Variants in EFCAB12 observed in about 807,000 individuals in gnomAD.
EFCAB12 encodes the protein EF-hand calcium-binding domain-containing protein 12.
Under a neutral mutation model 53.6 loss-of-function variants are expected in EFCAB12, and 43 were observed. The observed-to-expected ratio is 0.80, with a 90% CI of 0.63 to 1.03. The LOEUF (loss-of-function observed/expected upper bound fraction) is 1.03, where lower values mean the gene tolerates loss of function less well. Among genes scored for constraint, EFCAB12 ranks in the 50% least tolerant of loss-of-function variants. The probability of loss-of-function intolerance (pLI) is 0.00; values close to 1 mark genes in which losing one functional copy is unlikely to be tolerated. For synonymous variants in EFCAB12, 269 were observed against 289.2 expected (o/e 0.93, Z 0.71); for missense variants, 646 against 730.6 (o/e 0.88, Z 1.34).
intron 6 of EFCAB12, among the ~76,000 whole-genome samples, chr3:129,407,230 C>T (rs1315664479): frequency 1.3e-5 from 2 of 152,188 alleles, no homozygotes; most frequent in Non-Finnish European, 2.9e-5. Context: ...TGGAAACCAG[C>T]CCTGCTGGCA....
intron 6 of EFCAB12, among the ~76,000 whole-genome samples, chr3:129,408,012 A>G: frequency 6.6e-6 from 1 of 152,208 alleles, no homozygotes. Context: ...GCTCCCACAT[A>G]TTAGAAGTGC....
chr3:129,423,154 CT>C (rs1424871444), intron 1 of EFCAB12, among the ~76,000 whole-genome samples: 3 of 152,212 alleles, frequency 2.0e-5, no homozygotes, highest in Non-Finnish European at 4.4e-5. Flanking sequence ...GAGACATGAA[CT>C]TCAGTTTGTC....
rs898629397 is a variant in EFCAB12 at position 129,411,078 on chromosome 3, C to A, written c.1035+80G>T. On this transcript the variant is annotated intron_variant, in intron 5 of 8. Transcript: ENST00000505956. ...CCCCTCCCCAGGGTTCTGCAGCCAG[C>A]GGGTGGTGCTGCTGCGGTGATCTGA... 3.4e-6 allele frequency: 5 copies of A among 1,455,430 alleles called. No individual in the cohort carries two copies. In the South Asian group the frequency reaches 3.9e-5, roughly 11 times the overall value. The allele number at this position is 1,455,430 out of a possible 1,614,324, so 90.2% of individuals were successfully genotyped here. A position where few individuals can be genotyped will look rare whatever the true frequency, so the allele number is the denominator to read the frequency against.
At position 129,408,854 on chromosome 3, in the gene EFCAB12, G is replaced by A. The variant is rs367767696; in HGVS notation, c.1040C>T (p.Thr347Met). ...CTCCGTGTACTGGATGGAGGGGATC[G>A]TGAGCTGCGAAGGAAGCAGAAAGGG... Reference protein sequence around the residue: ...YRERQRQHKLTIPSIQYTEQC... With the variant: ...YRERQRQHKLMIPSIQYTEQC... Residue 347 changes from threonine (T) to methionine (M), a missense_variant, in exon 6 of 9, where the codon ACG (threonine) becomes ATG (methionine). By Grantham distance (81) the Thr-to-Met change is moderately conservative. Transcript: ENST00000505956. 1.1e-5 allele frequency: 17 copies of A among 1,566,470 alleles called. No homozygotes were observed. The highest frequency in any genetic ancestry group is 6.8e-5 in the African/African-American group (5 of 73,628).
chr3:129,420,227 T>C (rs553652960), intron 2 of EFCAB12, among the ~76,000 whole-genome samples: 1 of 152,200 alleles, frequency 6.6e-6, no homozygotes, highest in Non-Finnish European at 1.5e-5. Context: ...ATGGAAATCA[T>C]GTTTGAGTGC....
intron 3 of EFCAB12, among the ~76,000 whole-genome samples, chr3:129,416,479 T>TA (rs1172801689): frequency 6.6e-6 from 1 of 152,208 alleles, no homozygotes; most frequent in Non-Finnish European, 1.5e-5. Context: ...CTAAAGAATG[T>TA]AATATTTAAA....
chr3:129,419,932 A>G (rs1037099846), intron 2 of EFCAB12, among the ~76,000 whole-genome samples: 4 of 152,194 alleles, frequency 2.6e-5, no homozygotes, highest in Non-Finnish European at 5.9e-5. Flanking sequence ...TTGCTGAAGG[A>G]ATAAATGATC....
intron 6 of EFCAB12, among the ~76,000 whole-genome samples, chr3:129,406,309 C>G (rs967306429): frequency 1.3e-5 from 2 of 152,174 alleles, no homozygotes; most frequent in Non-Finnish European, 2.9e-5. Context: ...TCTCTGCCCT[C>G]CCAACCCAGG....
At position 129,421,391 on chromosome 3, in the gene EFCAB12, G is replaced by T. The variant is rs1319181593; in HGVS notation, c.462C>A (p.Ser154=). The T allele has an allele frequency of 6.2e-7, 1 of 1,608,386 alleles. No individual in the cohort carries two copies. The highest frequency in any genetic ancestry group is 1.1e-5 in the South Asian group (1 of 90,882). ...CCCTGGTGGTCCTGGTAGTTGCCTG[G>T]GAGGCATTTGGCTGGGCACTCTGCT... ...HEEQSAQPNA[S]QATTRTTRKK... is the part of the protein sequence containing the mutation. Residue 154 remains serine, a synonymous_variant, in exon 2 of 9, where the codon TCC becomes TCA. Transcript: ENST00000505956.
chr3:129,418,543 A>G, intron 2 of EFCAB12, 95 bp from the exon 3 acceptor site: 1 of 1,183,872 alleles, frequency 8.4e-7, no homozygotes, highest in Non-Finnish European at 1.1e-6. Flanking sequence ...GGAGAGGACG[A>G]GCAGCTCTAA....
chr3:129,408,551 G>C, intron 6 of EFCAB12, 94 bp downstream of exon 6: 1 of 1,326,874 alleles, frequency 7.5e-7, no homozygotes, highest in South Asian at 1.4e-5. Context: ...ACAGTGGCTT[G>C]AATGGCTGCA....
intron 7 of EFCAB12, 86 bp downstream of exon 7, chr3:129,404,164 G>C: frequency 1.3e-6 from 2 of 1,519,320 alleles, no homozygotes; most frequent in Middle Eastern, 1.8e-4. Context: ...TGGCGCCCCA[G>C]GTACTCCAGC....
At chr3:129,415,182 G>A (rs1444112018) in intron 4 of EFCAB12, 63 bp downstream of exon 4, 3 of 1,512,194 alleles carry the variant, frequency 2.0e-6, no homozygotes, top group Non-Finnish European at 2.6e-6. Flanking sequence ...GGCCAAGGCT[G>A]CCTGCACCAT....
At chr3:129,419,355 T>A (rs1476006948) in intron 2 of EFCAB12, among the ~76,000 whole-genome samples, 3 of 152,192 alleles carry the variant, frequency 2.0e-5, no homozygotes, top group Non-Finnish European at 4.4e-5. Context: ...AAATGCAGCA[T>A]CTTTTGATGA....
intron 1 of EFCAB12, among the ~76,000 whole-genome samples, chr3:129,426,206 T>G (rs915403268): frequency 6.6e-6 from 1 of 152,116 alleles, no homozygotes; most frequent in Non-Finnish European, 1.5e-5. Flanking sequence ...TCTCTTCTCT[T>G]TTTAAATAAT....
chr3:129,425,240 C>T lies in EFCAB12; in HGVS notation c.49+3200G>A, dbSNP rs535645227. Among the ~76,000 whole-genome samples the T allele has an allele frequency of 5.3e-5, 8 of 152,298 alleles. No homozygotes were observed. The South Asian group carries it at 1.4e-3, about 28-fold the overall frequency. ...CCCCAATCCATGTTCTGCCCTCAGC[C>T]AGGAGAGCCTTACAAATGTAAATTC... On this transcript the variant is annotated intron_variant, in intron 1 of 8. Transcript: ENST00000505956.
chr3:129,409,601 A>G (rs941228538), intron 5 of EFCAB12, among the ~76,000 whole-genome samples: 3 of 151,510 alleles, frequency 2.0e-5, no homozygotes, highest in Non-Finnish European at 4.4e-5. Context: ...TTTAACAAGG[A>G]AAAAAAAACC....
rs1275411170 is a variant in EFCAB12 at position 129,415,282 on chromosome 3, C to T, written c.801G>A (p.Met267Ile). The T allele has an allele frequency of 6.2e-7, 1 of 1,612,552 alleles. No individual in the cohort carries two copies. The highest frequency in any genetic ancestry group is 8.5e-7 in the Non-Finnish European group (1 of 1,179,722). Reference protein sequence around the residue: ...ILANTYKQWSMAQQRSSLATA... With the variant: ...ILANTYKQWSIAQQRSSLATA... ...TGGCCAGGCTGCTCCTTTGCTGAGC[C>T]ATAGACCACTGCTTGTAGGTATTGG... The change falls in exon 4 of 9, where the codon ATG (methionine) becomes ATA (isoleucine). Residue 267 changes from methionine (M) to isoleucine (I), a missense_variant. Met to Ile is a conservative substitution (Grantham distance 10, BLOSUM62 1). Transcript: ENST00000505956.
intron 5 of EFCAB12, 26 bp from the exon 6 acceptor site, chr3:129,408,884 G>A (rs1390591699): frequency 3.9e-6 from 6 of 1,551,454 alleles, no homozygotes; most frequent in African/African-American, 1.4e-5. Context: ...AAAGGGGCTC[G>A]CCCTTCTCTC....
Sources: gnomAD v4.1 joint callset for allele counts (sites outside exome capture counted in the v4.1 genomes callset) on GRCh38, gnomAD v4.1.1 for gene constraint, MANE v1.5 for transcripts, NCBI Gene and HGNC (gene_info 2026-07-23, HGNC 2026-07-21) for gene names.